Variants in MAST4 observed in about 807,000 individuals in gnomAD.
MAST4 encodes the protein microtubule associated serine/threonine kinase family member 4.
In MAST4, 89 loss-of-function variants were observed where a neutral mutation model predicts 162.7. That is an observed-to-expected ratio of 0.55 (90% confidence interval 0.46 to 0.65). The LOEUF (loss-of-function observed/expected upper bound fraction) is 0.65. Ranked by LOEUF, MAST4 falls within the 30% of genes least tolerant of loss-of-function variation. The probability of loss-of-function intolerance (pLI) is 0.00; values close to 1 mark genes in which losing one functional copy is unlikely to be tolerated. For missense variants in MAST4, 3,153 were observed against 3,374.0 expected, an observed-to-expected ratio of 0.93 and a Z score of 1.62; for synonymous variants, 1,479 against 1,361.1, an observed-to-expected ratio of 1.09 and a Z score of -1.91.
intron 4 of MAST4, among the ~76,000 whole-genome samples, chr5:66,964,291 CTGTT>C (rs1293286677): frequency 2.0e-5 from 3 of 152,142 alleles, no homozygotes; most frequent in Non-Finnish European, 2.9e-5. Flanking sequence ...TCACTCTTCT[CTGTT>C]TGTTAGAGAA....
At chr5:67,023,696 G>A (rs1754272864) in intron 4 of MAST4, among the ~76,000 whole-genome samples, 1 of 152,056 alleles carries the variant, frequency 6.6e-6, no homozygotes, top group African/African-American at 2.4e-5. Context: ...TTTTTATTCT[G>A]AGTTATTTGC....
chr5:66,934,163 A>C (rs1241838326), intron 4 of MAST4, among the ~76,000 whole-genome samples: 1 of 151,158 alleles, frequency 6.6e-6, no homozygotes, highest in Non-Finnish European at 1.5e-5. Context: ...GCTGAGACTA[A>C]ATCACCCTTT....
intron 1 of MAST4, among the ~76,000 whole-genome samples, chr5:66,624,789 G>T (rs965689406): frequency 1.8e-4 from 27 of 152,306 alleles, no homozygotes; most frequent in Non-Finnish European, 7.4e-5. Flanking sequence ...GTGTAACGGG[G>T]AAAGGATAGA....
chr5:66,691,782 C>G (rs1457339557), intron 1 of MAST4, among the ~76,000 whole-genome samples: 1 of 152,104 alleles, frequency 6.6e-6, no homozygotes, highest in East Asian at 1.9e-4. Context: ...AGCCCTGCCT[C>G]CTAATACTAT....
At chr5:66,871,636 A>C (rs1206417116) in intron 3 of MAST4, among the ~76,000 whole-genome samples, 2 of 152,234 alleles carry the variant, frequency 1.3e-5, no homozygotes, top group Admixed American at 1.3e-4. Context: ...GCATTCATGA[A>C]GCCTGTCCTG....
intron 3 of MAST4, among the ~76,000 whole-genome samples, chr5:66,802,011 G>A (rs1252680629): frequency 5.9e-5 from 9 of 152,156 alleles, no homozygotes. Flanking sequence ...ATGTTAGCAT[G>A]TTAAGAATAT....
chr5:67,058,322 G>A (rs141218326), intron 5 of MAST4, among the ~76,000 whole-genome samples: 3 of 152,216 alleles, frequency 2.0e-5, no homozygotes, highest in African/African-American at 7.2e-5. Flanking sequence ...ATGATCTAAG[G>A]GTTGATGTGA....
At chr5:66,779,650 C>T (rs1475436219) in intron 2 of MAST4, among the ~76,000 whole-genome samples, 1 of 152,134 alleles carries the variant, frequency 6.6e-6, no homozygotes, top group Non-Finnish European at 1.5e-5. Flanking sequence ...GGGAGCACAG[C>T]TGAAGATGAA....
At chr5:66,950,496 C>T (rs137860336) in intron 4 of MAST4, among the ~76,000 whole-genome samples, 1 of 152,178 alleles carries the variant, frequency 6.6e-6, no homozygotes, top group African/African-American at 2.4e-5. Flanking sequence ...ATAGACAAGC[C>T]AAAATAGAGT....
At chr5:66,663,719 A>G (rs1295995761) in intron 1 of MAST4, among the ~76,000 whole-genome samples, 1 of 152,218 alleles carries the variant, frequency 6.6e-6, no homozygotes, top group African/African-American at 2.4e-5. Context: ...GGGGCAGATT[A>G]TATAGGACCT....
intron 5 of MAST4, among the ~76,000 whole-genome samples, chr5:67,063,214 T>C (rs1253916720): frequency 6.6e-6 from 1 of 152,154 alleles, no homozygotes; most frequent in African/African-American, 2.4e-5. Context: ...ACTTAAGTAA[T>C]GACACATCTT....
intron 1 of MAST4, among the ~76,000 whole-genome samples, chr5:66,628,777 A>G (rs1744612622): frequency 6.6e-6 from 1 of 152,148 alleles, no homozygotes; most frequent in African/African-American, 2.4e-5. Flanking sequence ...AGGAAACATG[A>G]TTATGTGATT....
intron 2 of MAST4, 63 bp from the exon 3 acceptor site, chr5:66,788,607 C>CCAAGCAAAAAAAAAAA: frequency 5.1e-6 from 7 of 1,373,720 alleles, no homozygotes; most frequent in Non-Finnish European, 5.1e-6. Context: ...CCCCCACCCC[C>CCAAGCAAAAAAAAAAA]ATTGCAATAA....
intron 19 of MAST4, among the ~76,000 whole-genome samples, chr5:67,140,946 C>T (rs1561708691): frequency 6.6e-6 from 1 of 152,180 alleles, no homozygotes; most frequent in Non-Finnish European, 1.5e-5. Flanking sequence ...CCTCACTTTG[C>T]TGTTTTCACT....
At chr5:67,158,771 A>G (rs2151103828) in intron 26 of MAST4, among the ~76,000 whole-genome samples, 1 of 152,362 alleles carries the variant, frequency 6.6e-6, no homozygotes, top group African/African-American at 2.4e-5. Context: ...ACGGTAGCTC[A>G]TGCCTGTAAT....
chr5:67,145,421 C>T lies in MAST4; in HGVS notation c.3094+42C>T, dbSNP rs748049765. ...AGTGCCTGCTGTCCTCCTCACCACA[C>T]TAAGTGTCTCCTAGTGCTCAGTCCC... On this transcript the variant is annotated intron_variant, in intron 23 of 28. Transcript: ENST00000403625. 13 of 1,553,632 alleles carry T rather than the reference C, an allele frequency of 8.4e-6. No homozygotes were observed. In the South Asian group the frequency reaches 1.4e-4, roughly 16 times the overall value.
intron 3 of MAST4, among the ~76,000 whole-genome samples, chr5:66,803,532 G>A (rs1410141946): frequency 1.3e-5 from 2 of 152,116 alleles, no homozygotes; most frequent in South Asian, 2.1e-4. Flanking sequence ...TGTTTATTTA[G>A]GACTTTAATG....
chr5:66,847,998 C>G (rs554424561), intron 3 of MAST4, among the ~76,000 whole-genome samples: 8 of 152,154 alleles, frequency 5.3e-5, no homozygotes, highest in Non-Finnish European at 1.2e-4. Flanking sequence ...TTGTCCTAAG[C>G]AAAACCTCTT....
chr5:66,722,801 G>A (rs572067495), intron 1 of MAST4, among the ~76,000 whole-genome samples: 7 of 152,266 alleles, frequency 4.6e-5, no homozygotes, highest in Admixed American at 4.6e-4. Flanking sequence ...TGGTTAGGGA[G>A]GCAATCATAG....
Sources: allele counts gnomAD v4.1 joint callset (sites outside exome capture counted in the v4.1 genomes callset), GRCh38; gene constraint gnomAD v4.1.1; transcripts MANE v1.5; gene names NCBI Gene and HGNC (gene_info 2026-07-23, HGNC 2026-07-21).